Variants in HDAC4 observed in about 807,000 individuals in gnomAD.
The protein encoded by HDAC4 is histone deacetylase A.
A neutral mutation model predicts 135.1 loss-of-function variants in HDAC4; 16 were observed. The observed-to-expected ratio is 0.12, with a 90% CI of 0.08 to 0.18. The LOEUF is 0.18. Among genes scored for constraint, HDAC4 ranks in the 10% least tolerant of loss-of-function variants. The pLI is 1.00. For synonymous variants in HDAC4, 685 were observed against 653.4 expected, an observed-to-expected ratio of 1.05 and a Z score of -0.74; for missense variants, 1,143 against 1,511.8, an observed-to-expected ratio of 0.76 and a Z score of 4.05.
chr2:239,282,641 C>T (rs2050861766), intron 2 of HDAC4, among the ~76,000 whole-genome samples: 1 of 139,330 alleles, frequency 7.2e-6, no homozygotes, highest in African/African-American at 2.7e-5. Flanking sequence ...GTACACACCA[C>T]TCTACAAACA....
chr2:239,074,569 T>C (rs72996159), intron 22 of HDAC4, among the ~76,000 whole-genome samples: 3,863 of 152,356 alleles, frequency 0.025, 81 homozygotes, highest in Middle Eastern at 0.058. Flanking sequence ...TGAGGCTGCG[T>C]GGGGCACAGT....
intron 24 of HDAC4, chr2:239,055,218 C>G (rs2106418752): frequency 3.4e-6 from 1 of 292,130 alleles, no homozygotes; most frequent in South Asian, 3.1e-5. Flanking sequence ...GTAAGAATGT[C>G]TGAATATCCC....
intron 12 of HDAC4, among the ~76,000 whole-genome samples, chr2:239,120,403 A>ACG (rs1491239039): frequency 1.0e-3 from 130 of 129,236 alleles, no homozygotes; most frequent in Non-Finnish European, 1.2e-3. Flanking sequence ...ACGCACACAG[A>ACG]CACACACACA....
chr2:239,181,491 A>G (rs894794799), intron 4 of HDAC4, among the ~76,000 whole-genome samples: 32 of 152,356 alleles, frequency 2.1e-4, no homozygotes, highest in African/African-American at 7.2e-4. Context: ...TGCACACACC[A>G]AGCATCTCAC....
chr2:239,067,756 A>T (rs975172853), intron 23 of HDAC4, among the ~76,000 whole-genome samples: 2 of 152,094 alleles, frequency 1.3e-5, no homozygotes, highest in Admixed American at 1.3e-4. Context: ...CCACGCAAGG[A>T]CCTGAGAGAC....
chr2:239,274,748 C>G (rs2050253687), intron 2 of HDAC4, among the ~76,000 whole-genome samples: 1 of 152,170 alleles, frequency 6.6e-6, no homozygotes, highest in Admixed American at 6.5e-5. Context: ...GAGGGCAAGC[C>G]TCATCCCCAA....
At chr2:239,094,547 G>A in intron 17 of HDAC4, 1 of 1,071,450 alleles carries the variant, frequency 9.3e-7, no homozygotes, top group Non-Finnish European at 1.1e-6. Flanking sequence ...AGCCAGCACA[G>A]CCCAGCGAGT....
intron 12 of HDAC4, among the ~76,000 whole-genome samples, chr2:239,121,444 C>G (rs1001228785): frequency 6.6e-6 from 1 of 152,190 alleles, no homozygotes; most frequent in Non-Finnish European, 1.5e-5. Context: ...TTTCGGCAGC[C>G]GCGTCTACCG....
At chr2:239,120,339 TCACATACAGATACATA>T (rs1301968277) in intron 12 of HDAC4, among the ~76,000 whole-genome samples, 17 of 151,110 alleles carry the variant, frequency 1.1e-4, no homozygotes, top group African/African-American at 3.4e-4. Context: ...CCACAGAGGC[TCACATACAGATACATA>T]CACACACAGA....
At chr2:239,055,904 G>T (rs74475372) in intron 24 of HDAC4, among the ~76,000 whole-genome samples, 1 of 152,188 alleles carries the variant, frequency 6.6e-6, no homozygotes, top group Non-Finnish European at 1.5e-5. Context: ...CCTTGCTGGG[G>T]CTGGAAAGAC....
In HDAC4 at chr2:239,306,584, G is replaced by A. The variant is rs1455655173; in HGVS notation, c.22+46094C>T. 2.6e-5 allele frequency among the ~76,000 whole-genome samples: 4 copies of A among 152,142 alleles called. No individual in the cohort carries two copies. Among genetic ancestry groups the A allele is most frequent in the Non-Finnish European group, 5.9e-5 (4 of 68,020 alleles). ...ATACAAAACATAAGCTGGAAAGGGT[G>A]CTCTTCACCTAAACAAGGTCAAACA... On this transcript the variant is annotated intron_variant, in intron 2 of 26. Coordinates refer to ENST00000543185, the MANE Select transcript of HDAC4 (RefSeq NM_001378414.1). This position sits in a 1 kb window ranked among gnomAD's most constrained non-coding sequence, Gnocchi z 4.5.
Position 239,146,644 on chromosome 2 carries a change from T to C in HDAC4, c.734-1930A>G, listed in dbSNP as rs1457858280. On this transcript the variant is annotated intron_variant, in intron 7 of 26. Transcript: ENST00000543185. The surrounding 1 kb of genome is among the most constrained non-coding windows in gnomAD (Gnocchi z 4.5). Reference sequence around the variant, plus strand: ...GCCCTGCCGGGCACTCCAGACTCTTTGTGCAAGAGACTCTTGAGGAGAGTC... The same window carrying C: ...GCCCTGCCGGGCACTCCAGACTCTTCGTGCAAGAGACTCTTGAGGAGAGTC... Among the ~76,000 whole-genome samples the C allele has an allele frequency of 1.3e-5, 2 of 152,068 alleles. No individual in the cohort carries two copies. Among genetic ancestry groups the C allele is most frequent in the Non-Finnish European group, 2.9e-5 (2 of 67,982 alleles).
At chr2:239,117,565 CAAAAA>C (rs34154007) in intron 12 of HDAC4, among the ~76,000 whole-genome samples, 33,513 of 116,114 alleles carry the variant, frequency 0.29, 4,987 homozygotes, top group South Asian at 0.48. Flanking sequence ...CGGGAAGTGG[CAAAAA>C]AAAAAAAAAA....
chr2:239,249,314 C>A (rs1259825989), intron 2 of HDAC4, among the ~76,000 whole-genome samples: 4 of 151,944 alleles, frequency 2.6e-5, no homozygotes, highest in Non-Finnish European at 4.4e-5. Context: ...TCGCCCAGGG[C>A]GGGGAGGGGC....
At chr2:239,386,399 C>T (rs940708032) in intron 1 of HDAC4, among the ~76,000 whole-genome samples, 4 of 152,134 alleles carry the variant, frequency 2.6e-5, no homozygotes, top group African/African-American at 9.7e-5. Flanking sequence ...GTGTCCCAAC[C>T]ACGGGAGGAA....
In HDAC4 at chr2:239,084,167, G is replaced by A. The variant is rs774031896; in HGVS notation, c.2520C>T (p.Leu840=). 3.1e-6 allele frequency: 5 copies of A among 1,613,050 alleles called. No individual in the cohort carries two copies. Among genetic ancestry groups the A allele is most frequent in the Admixed American group, 1.7e-5 (1 of 59,962 alleles). ...CGGCTCTGCTTACCCAGTCCACGATGAGGATCTTGCTCACGCTCAACCTCT... is the reference window on the plus strand; with the variant it reads ...CGGCTCTGCTTACCCAGTCCACGATAAGGATCTTGCTCACGCTCAACCTCT... ...LQQRLSVSKI[L]IVDWDVHHGN... Residue 840 remains leucine, a synonymous_variant, in exon 20 of 27, where the codon CTC becomes CTT. Coordinates refer to ENST00000543185, the MANE Select transcript of HDAC4 (RefSeq NM_001378414.1).
chr2:239,121,543 G>T (rs1043034797), intron 12 of HDAC4, among the ~76,000 whole-genome samples: 1 of 152,232 alleles, frequency 6.6e-6, no homozygotes, highest in African/African-American at 2.4e-5. Flanking sequence ...GCTGCCAGGG[G>T]CCGCATCTCT....
chr2:239,230,183 C>G (rs1230239637), intron 3 of HDAC4, among the ~76,000 whole-genome samples: 4 of 151,978 alleles, frequency 2.6e-5, no homozygotes, highest in Admixed American at 2.6e-4. Context: ...GTCCAACCCC[C>G]CATTCCCATC....
At chr2:239,238,785 T>G (rs62188567) in intron 2 of HDAC4, among the ~76,000 whole-genome samples, 17,049 of 152,286 alleles carry the variant, frequency 0.11, 1,116 homozygotes, top group Non-Finnish European at 0.15. Context: ...TGCAACCGAT[T>G]TGACTTGTAA....
Sources: gnomAD v4.1 joint callset for allele counts (sites outside exome capture counted in the v4.1 genomes callset) on GRCh38, gnomAD v4.1.1 for gene constraint, Gnocchi (gnomAD v3.1) non-coding constraint, MANE v1.5 for transcripts, NCBI Gene and HGNC (gene_info 2026-07-23, HGNC 2026-07-21) for gene names.